Variants in TTL observed in about 807,000 individuals in gnomAD.
TTL encodes tubulin--tyrosine ligase.
A neutral mutation model predicts 41.1 loss-of-function variants in TTL; 10 were observed. The ratio of observed to expected loss-of-function variants is 0.24; its 90% confidence interval spans 0.15 to 0.41. The LOEUF (loss-of-function observed/expected upper bound fraction) is 0.41. Ranked by LOEUF, TTL falls within the 10% of genes least tolerant of loss-of-function variation. The pLI is 1.00. For synonymous variants in TTL, 175 were observed against 175.5 expected, an observed-to-expected ratio of 1.00 and a Z score of 0.02; for missense variants, 367 against 460.4, an observed-to-expected ratio of 0.80 and a Z score of 1.86.
rs3057723 is a variant in TTL, at chr2:112,511,982, CATTCT to C, written c.876-8282_876-8278del. Among the ~76,000 whole-genome samples the C allele has an allele frequency of 2.3e-3, 352 of 151,180 alleles. 3 individuals carry two copies. The highest frequency in any genetic ancestry group is 0.01 in the Admixed American group (152 of 15,122). ...GAGTATGTTTCCATCCTTTTATTTT[CATTCT>C]ATTCTATTCTATTCTATACTGTCCC... On this transcript the variant is annotated intron_variant, in intron 5 of 6. Coordinates refer to ENST00000233336, the MANE Select transcript of TTL (RefSeq NM_153712.5).
chr2:112,489,695 G>A (rs139977764), intron 2 of TTL, among the ~76,000 whole-genome samples: 2 of 152,290 alleles, frequency 1.3e-5, no homozygotes, highest in Non-Finnish European at 2.9e-5. Flanking sequence ...GTAAAAATAT[G>A]TGAAATCATT....
intron 5 of TTL, among the ~76,000 whole-genome samples, chr2:112,510,719 A>G (rs1681899129): frequency 1.3e-5 from 2 of 152,186 alleles, no homozygotes; most frequent in Admixed American, 6.5e-5. Context: ...AAATAAAAGC[A>G]TGTCTCAGTT....
At position 112,518,350 on chromosome 2, in the gene TTL, A is replaced by G. The variant is rs527738911; in HGVS notation, c.876-1932A>G. On this transcript the variant is annotated intron_variant, in intron 5 of 6. Coordinates refer to ENST00000233336, the MANE Select transcript of TTL (RefSeq NM_153712.5). The stretch of plus-strand genomic sequence containing the variant: ...ACAGGGATTTTTTTTTTTTAATGTG[A>G]TGTGTGCTTGTCAATTCAGGTTGAA... 2.0e-5 allele frequency among the ~76,000 whole-genome samples: 3 copies of G among 150,804 alleles called. No homozygotes were observed. The East Asian group carries it at 5.8e-4, about 29-fold the overall frequency.
chr2:112,485,530 G>A (rs1280558264), intron 1 of TTL, among the ~76,000 whole-genome samples: 5 of 152,178 alleles, frequency 3.3e-5, no homozygotes, highest in African/African-American at 4.8e-5. Context: ...TGTGGAAAGC[G>A]TGACTGTTAA....
At chr2:112,514,391 A>AAC (rs1204510341) in intron 5 of TTL, among the ~76,000 whole-genome samples, 7 of 152,266 alleles carry the variant, frequency 4.6e-5, no homozygotes, top group Admixed American at 1.3e-4. Context: ...CAAAAAAAAA[A>AAC]AAACTAATTT....
chr2:112,512,302 G>A (rs969480452), intron 5 of TTL, among the ~76,000 whole-genome samples: 1 of 149,542 alleles, frequency 6.7e-6, no homozygotes, highest in East Asian at 2.0e-4. Flanking sequence ...TCACTCTGTC[G>A]CTCAGGCTGG....
chr2:112,499,317 A>G (rs1221323627), intron 3 of TTL, among the ~76,000 whole-genome samples: 3 of 152,232 alleles, frequency 2.0e-5, no homozygotes, highest in Non-Finnish European at 1.5e-5. Context: ...CAGAAGAAAC[A>G]TAAATCAGTG....
chr2:112,525,703 T>C (rs1682354284), intron 6 of TTL, among the ~76,000 whole-genome samples: 2 of 152,212 alleles, frequency 1.3e-5, no homozygotes, highest in Admixed American at 6.5e-5. Flanking sequence ...TGATGGGGTT[T>C]TCTAAATATA....
chr2:112,523,470 C>G (rs1317300148), intron 6 of TTL, among the ~76,000 whole-genome samples: 2 of 151,512 alleles, frequency 1.3e-5, no homozygotes, highest in Non-Finnish European at 2.9e-5. Flanking sequence ...AAGTCTTCCC[C>G]TGTCACTGGG....
Position 112,531,149 on chromosome 2 carries a change from G to A in TTL, c.*2354G>A, listed in dbSNP as rs1030100113. ...TGCACACCACCAAGCCTGGCTTTAT[G>A]TATTTATTTCTGTTCATGCGGAATG... On this transcript the variant is annotated 3_prime_UTR_variant, in exon 7 of 7. Transcript: ENST00000233336. The A allele has an allele frequency of 4.7e-6, 1 of 212,162 alleles. No individual in the cohort carries two copies. Among genetic ancestry groups the A allele is most frequent in the African/African-American group, 2.3e-5 (1 of 44,090 alleles). 13.1% of individuals were successfully genotyped at this position (212,162 alleles called of 1,614,324 possible).
At position 112,482,859 on chromosome 2, in the gene TTL, G is replaced by A. The variant is rs934799605; in HGVS notation, c.157+358G>A. Among the ~76,000 whole-genome samples the A allele has an allele frequency of 1.2e-4, 19 of 152,258 alleles. No homozygotes were observed. The highest frequency in any genetic ancestry group is 2.1e-4 in the Non-Finnish European group (14 of 68,016). On this transcript the variant is annotated intron_variant, in intron 1 of 6. Coordinates refer to ENST00000233336, the MANE Select transcript of TTL (RefSeq NM_153712.5). The surrounding 1 kb of genome is among the most constrained non-coding windows in gnomAD (Gnocchi z 5.3). ...CCAGATTTGGCGGGTCCGCCGCGCT[G>A]GGCGCGGCTCCGCAGAGCGGGCGGC...
rs749068126 is a variant in TTL, at chr2:112,494,335, G to A, written c.429G>A (p.Glu143=). 8 of 1,614,132 alleles carry A rather than the reference G, an allele frequency of 5.0e-6. No individual in the cohort carries two copies. In the South Asian group the frequency reaches 8.8e-5, roughly 18 times the overall value. Residue 143 remains glutamate, a synonymous_variant, in exon 3 of 7, where the codon GAG becomes GAA. Coordinates refer to ENST00000233336, the MANE Select transcript of TTL (RefSeq NM_153712.5). ...ATAACAGAAAGAAAGAGGATGGAGA[G>A]GGCAACGTTTGGATTGCAAAGTCAT... ...ASYNRKKEDG[E]GNVWIAKSSA...
rs199740251 is a variant in TTL at position 112,528,740 on chromosome 2, C to G, written c.1079C>G (p.Pro360Arg). The change falls in exon 7 of 7, where the codon CCA (proline) becomes CGA (arginine). Residue 360 changes from proline (P) to arginine (R), a missense_variant. By Grantham distance (103) the Pro-to-Arg change is moderately radical (BLOSUM62 -2). Transcript: ENST00000233336. Reference protein sequence around the residue: ...IVDIAISSVFPPPDVEQPQTQ... With the variant: ...IVDIAISSVFRPPDVEQPQTQ... ...GACATAGCCATTTCCAGTGTCTTCC[C>G]ACCCCCAGATGTGGAGCAACCTCAG... 1 of 1,614,152 alleles carries G rather than the reference C, an allele frequency of 6.2e-7. No individual in the cohort carries two copies. The highest frequency in any genetic ancestry group is 2.2e-5 in the East Asian group (1 of 44,886).
In TTL at chr2:112,486,014, G is replaced by A; in HGVS notation, c.236+19G>A. On this transcript the variant is annotated intron_variant, in intron 2 of 6. Transcript: ENST00000233336. Reference sequence around the variant, plus strand: ...TAGTGAAGTAAGTGTTAAGACCGCTGTTTTCCATTTTTTACCTAAATGAAG... The same window carrying A: ...TAGTGAAGTAAGTGTTAAGACCGCTATTTTCCATTTTTTACCTAAATGAAG... 2 of 1,612,270 alleles carry A rather than the reference G, an allele frequency of 1.2e-6. No homozygotes were observed. The highest frequency in any genetic ancestry group is 8.5e-7 in the Non-Finnish European group (1 of 1,179,220).
At chr2:112,496,914 A>G (rs1232299936) in intron 3 of TTL, among the ~76,000 whole-genome samples, 1 of 151,560 alleles carries the variant, frequency 6.6e-6, no homozygotes, top group Non-Finnish European at 1.5e-5. Flanking sequence ...TCCGCCTCCC[A>G]GGTTCACGCC....
rs1452202076 is a variant in TTL at position 112,538,063 on chromosome 2, T to G, written c.*9268T>G. 1 of 152,212 alleles carries G rather than the reference T, an allele frequency of 6.6e-6. No homozygotes were observed. The highest frequency in any genetic ancestry group is 1.5e-5 in the Non-Finnish European group (1 of 68,032). The allele number at this position is 152,212 out of a possible 1,614,324, so 9.4% of individuals were successfully genotyped here. On this transcript the variant is annotated 3_prime_UTR_variant, in exon 7 of 7. Transcript: ENST00000233336. Reference sequence around the variant, plus strand: ...ATAAAATCAGAAATCAGTAACAAATTTTGTTAATTTCTGTATTAATGAAGA... The same window carrying G: ...ATAAAATCAGAAATCAGTAACAAATGTTGTTAATTTCTGTATTAATGAAGA...
chr2:112,486,536 T>A (rs1037003587), intron 2 of TTL, among the ~76,000 whole-genome samples: 1 of 152,200 alleles, frequency 6.6e-6, no homozygotes, highest in Non-Finnish European at 1.5e-5. Context: ...CTCTCATGGC[T>A]GTAAGGGGTC....
rs545515773 is a variant in TTL, at chr2:112,538,507, T to C, written c.*9712T>C. On this transcript the variant is annotated 3_prime_UTR_variant, in exon 7 of 7. Transcript: ENST00000233336. Reference sequence around the variant, plus strand: ...TAAGTGGAAGCTAGGCTGAGCACGGTGGCTCACTCCTATAATCTCAGCACT... The same window carrying C: ...TAAGTGGAAGCTAGGCTGAGCACGGCGGCTCACTCCTATAATCTCAGCACT... The C allele has an allele frequency of 3.9e-5, 6 of 152,370 alleles. No homozygotes were observed. In the South Asian group the frequency reaches 1.2e-3, roughly 32 times the overall value. 9.4% of individuals were successfully genotyped at this position (152,370 alleles called of 1,614,324 possible).
At chr2:112,523,333 T>A (rs978055982) in intron 6 of TTL, among the ~76,000 whole-genome samples, 1 of 100,016 alleles carries the variant, frequency 1.0e-5, no homozygotes, top group Non-Finnish European at 2.0e-5. Flanking sequence ...AGAAACTGTC[T>A]GTGGGTGTGT....
Sources: allele counts gnomAD v4.1 joint callset (sites outside exome capture counted in the v4.1 genomes callset), GRCh38; gene constraint gnomAD v4.1.1; non-coding constraint Gnocchi (gnomAD v3.1); transcripts MANE v1.5; gene names NCBI Gene and HGNC (gene_info 2026-07-23, HGNC 2026-07-21).